RIMS2: variants seen among roughly 807,000 people sequenced by gnomAD.
The protein encoded by RIMS2 is regulating synaptic membrane exocytosis protein 2.
RIMS2 carries 59 observed loss-of-function variants against 174.4 expected under a neutral mutation model. The ratio of observed to expected loss-of-function variants is 0.34; its 90% CI spans 0.27 to 0.42. RIMS2 has a LOEUF of 0.42. Among genes scored for constraint, RIMS2 ranks in the 10% least tolerant of loss-of-function variants. The probability of loss-of-function intolerance (pLI) is 1.00; values close to 1 mark genes in which losing one functional copy is unlikely to be tolerated. For synonymous variants in RIMS2, 606 were observed against 572.5 expected (o/e 1.06, Z -0.84); for missense variants, 1,620 against 1,666.3 (o/e 0.97, Z 0.48).
At chr8:103,592,227 C>G (rs1490385639) in intron 1 of RIMS2, among the ~76,000 whole-genome samples, 1 of 151,208 alleles carries the variant, frequency 6.6e-6, no homozygotes, top group Non-Finnish European at 1.5e-5. Context: ...TTTTTCCCCT[C>G]CAAATGCCTC....
chr8:104,127,627 A>G (rs1384214390), intron 19 of RIMS2, among the ~76,000 whole-genome samples: 1 of 152,152 alleles, frequency 6.6e-6, no homozygotes, highest in Non-Finnish European at 1.5e-5. Context: ...TCATTTATGT[A>G]ATTATGATGA....
At chr8:103,974,970 T>C (rs2093288057) in intron 15 of RIMS2, among the ~76,000 whole-genome samples, 2 of 152,248 alleles carry the variant, frequency 1.3e-5, no homozygotes, top group African/African-American at 2.4e-5. Flanking sequence ...AGCTTAATAA[T>C]TTTAAATAAT....
chr8:103,888,668 A>G (rs763397825), intron 4 of RIMS2, among the ~76,000 whole-genome samples: 20 of 151,556 alleles, frequency 1.3e-4, no homozygotes, highest in Non-Finnish European at 2.8e-4. Flanking sequence ...TCTTTATTTT[A>G]GTATTCTGAA....
intron 2 of RIMS2, among the ~76,000 whole-genome samples, chr8:103,700,943 C>G (rs2097159769): frequency 6.6e-6 from 1 of 151,954 alleles, no homozygotes; most frequent in Non-Finnish European, 1.5e-5. Context: ...TACTTTTATT[C>G]ATTTTATAAA....
At chr8:104,163,151 T>C (rs2098774118) in intron 19 of RIMS2, among the ~76,000 whole-genome samples, 1 of 152,210 alleles carries the variant, frequency 6.6e-6, no homozygotes, top group South Asian at 2.1e-4. Context: ...GCAGACTTTA[T>C]AGAATGAAAA....
chr8:103,663,696 G>A (rs1351081172), intron 1 of RIMS2, among the ~76,000 whole-genome samples: 3 of 152,152 alleles, frequency 2.0e-5, no homozygotes, highest in South Asian at 2.1e-4. Context: ...TTGTGAAAAT[G>A]GCCATACTGC....
chr8:103,717,296 C>A (rs1230204992), intron 2 of RIMS2, among the ~76,000 whole-genome samples: 24 of 135,876 alleles, frequency 1.8e-4, no homozygotes, highest in Non-Finnish European at 2.5e-4. Context: ...CAATTTCTTT[C>A]TTTTTCTTTC....
At chr8:103,500,943 G>C (rs765011926) in exon 1 of RIMS2, 210 of 1,608,636 alleles carry the variant, frequency 1.3e-4, no homozygotes, top group Non-Finnish European at 1.7e-4. Flanking sequence ...CGGCCTCTCA[G>C]CCGCCTCTGC....
chr8:103,668,641 T>C (rs1021366180), intron 1 of RIMS2, among the ~76,000 whole-genome samples: 2 of 147,628 alleles, frequency 1.4e-5, no homozygotes, highest in African/African-American at 5.0e-5. Context: ...TGGTGAGTCA[T>C]GGAGTATAGA....
At chr8:103,654,753 A>G (rs1176905136) in intron 1 of RIMS2, among the ~76,000 whole-genome samples, 1 of 151,928 alleles carries the variant, frequency 6.6e-6, no homozygotes, top group Non-Finnish European at 1.5e-5. Flanking sequence ...ATAACTTCCT[A>G]TCTGCTTACT....
intron 2 of RIMS2, among the ~76,000 whole-genome samples, chr8:103,730,208 C>A (rs950477694): frequency 1.3e-5 from 2 of 152,036 alleles, no homozygotes; most frequent in African/African-American, 4.8e-5. Context: ...GTCTCTCTCT[C>A]TTTCTTTAGC....
At position 103,585,995 on chromosome 8, in the gene RIMS2, CAAAG is replaced by C. The variant is rs1157081503; in HGVS notation, c.176+84936_176+84939del. 3.5e-5 allele frequency among the ~76,000 whole-genome samples: 5 copies of C among 143,556 alleles called. No individual in the cohort carries two copies. The South Asian group carries it at 9.0e-4, about 26-fold the overall frequency. The allele number at this position is 143,556 out of a possible 152,430, so 94.2% of individuals were successfully genotyped here. A position where few individuals can be genotyped will look rare whatever the true frequency, so the allele number is the denominator to read the frequency against. On this transcript the variant is annotated intron_variant, in intron 1 of 23. Transcript: ENST00000504942. ...TCAAGACTAAAATGATAAAACAAGA[CAAAG>C]AAGGTTGCTATAAAATGATAAAAGG...
chr8:103,977,288 T>G (rs1364503682), intron 16 of RIMS2: 1 of 152,150 alleles, frequency 6.6e-6, no homozygotes, highest in Non-Finnish European at 1.5e-5. Flanking sequence ...ATTAACAAAG[T>G]TTATAAATGG....
intron 18 of RIMS2, 116 bp from the exon 21 acceptor site, chr8:104,014,390 C>G: frequency 1.8e-6 from 1 of 544,770 alleles, no homozygotes; most frequent in Admixed American, 3.0e-5. Flanking sequence ...ACCTTTTAAT[C>G]TGCAGCTAAA....
intron 19 of RIMS2, among the ~76,000 whole-genome samples, chr8:104,060,517 C>T (rs1213985972): frequency 1.3e-5 from 2 of 151,776 alleles, no homozygotes; most frequent in Non-Finnish European, 2.9e-5. Context: ...TTTCAAAAAA[C>T]CAGCTCCTGG....
In RIMS2 at chr8:103,703,968, C is replaced by A. The variant is rs150137615; in HGVS notation, c.387+6672C>A. ...GACTTCTTCCTTTCCAATATTAATG[C>A]CTTTTGTCTATTTCTGTTGCCTAAT... On this transcript the variant is annotated intron_variant, in intron 2 of 23. Transcript: ENST00000504942. Among the ~76,000 whole-genome samples, 10 of 151,922 alleles carry A rather than the reference C, an allele frequency of 6.6e-5. No individual in the cohort carries two copies. In the South Asian group the frequency reaches 1.9e-3, roughly 28 times the overall value.
intron 19 of RIMS2, among the ~76,000 whole-genome samples, chr8:104,050,013 T>C (rs529153402): frequency 6.6e-5 from 10 of 152,302 alleles, no homozygotes; most frequent in African/African-American, 2.4e-4. Flanking sequence ...TTTATTAAGA[T>C]AGGAATAACA....
chr8:104,045,910 T>G (rs1010179555), intron 19 of RIMS2, among the ~76,000 whole-genome samples: 3 of 129,594 alleles, frequency 2.3e-5, no homozygotes, highest in Non-Finnish European at 5.3e-5. Flanking sequence ...GTAACATATA[T>G]TTTGTGTTGT....
chr8:103,774,475 A>G (rs1242882251), intron 3 of RIMS2, among the ~76,000 whole-genome samples: 1 of 152,244 alleles, frequency 6.6e-6, no homozygotes, highest in Non-Finnish European at 1.5e-5. Flanking sequence ...ATATTCAAGT[A>G]TATTCAAATA....
Sources: gnomAD v4.1 joint callset for allele counts (sites outside exome capture counted in the v4.1 genomes callset) on GRCh38, gnomAD v4.1.1 for gene constraint, MANE v1.5 for transcripts, NCBI Gene and HGNC (gene_info 2026-07-23, HGNC 2026-07-21) for gene names.